BTBD2: variants seen among roughly 807,000 people sequenced by gnomAD.
The protein encoded by BTBD2 is BTB/POZ domain-containing protein 2.
A neutral mutation model predicts 44.0 loss-of-function variants in BTBD2; 15 were observed. The ratio of observed to expected loss-of-function variants is 0.34; its 90% CI spans 0.23 to 0.53. The LOEUF is 0.53. Ranked by LOEUF, BTBD2 falls within the 20% of genes least tolerant of loss-of-function variation. The probability of loss-of-function intolerance (pLI) is 0.95; values close to 1 mark genes in which losing one functional copy is unlikely to be tolerated. For synonymous variants in BTBD2, 443 were observed against 335.9 expected, an observed-to-expected ratio of 1.32 and a Z score of -3.49; for missense variants, 657 against 746.4, an observed-to-expected ratio of 0.88 and a Z score of 1.39.
chr19:2,000,892 T>C (rs1343591325), intron 1 of BTBD2, among the ~76,000 whole-genome samples: 1 of 152,144 alleles, frequency 6.6e-6, no homozygotes, highest in Non-Finnish European at 1.5e-5. Context: ...CAGATGCGCC[T>C]TGAAGACGTC....
At chr19:2,008,162 G>A (rs2016418317) in intron 1 of BTBD2, among the ~76,000 whole-genome samples, 1 of 151,924 alleles carries the variant, frequency 6.6e-6, no homozygotes, top group Non-Finnish European at 1.5e-5. Flanking sequence ...CTGCCACCAC[G>A]CCTGGCTAAT....
intron 1 of BTBD2, among the ~76,000 whole-genome samples, chr19:2,004,953 G>T (rs1363588201): frequency 2.6e-5 from 4 of 151,818 alleles, no homozygotes; most frequent in Non-Finnish European, 5.9e-5. Flanking sequence ...CCGAGTAGCT[G>T]GGACTACAGG....
Position 1,990,204 on chromosome 19 carries a change from G to A in BTBD2, c.791-3C>T. On this transcript the variant is annotated splice_polypyrimidine_tract_variant and splice_region_variant and intron_variant, in intron 4 of 8. Coordinates refer to ENST00000255608, the MANE Select transcript of BTBD2 (RefSeq NM_017797.4). ...CTCCAGGACAGCCACCAGCGTGTCT[G>A]TGGGGTGGAGGAAGGGGCTGCGTGA... 6.3e-7 allele frequency: 1 copy of A among 1,590,890 alleles called. No homozygotes were observed. The highest frequency in any genetic ancestry group is 8.5e-7 in the Non-Finnish European group (1 of 1,169,686).
chr19:2,005,204 G>A (rs1047410600), intron 1 of BTBD2, among the ~76,000 whole-genome samples: 4 of 152,164 alleles, frequency 2.6e-5, no homozygotes, highest in Non-Finnish European at 4.4e-5. Flanking sequence ...CGGGTTTTCC[G>A]GTTTTGAGCT....
At position 1,987,258 on chromosome 19, in the gene BTBD2, C is replaced by G. The variant is rs368200817; in HGVS notation, c.1182-5G>C. 1 of 1,613,526 alleles carries G rather than the reference C, an allele frequency of 6.2e-7. No homozygotes were observed. On this transcript the variant is annotated splice_polypyrimidine_tract_variant and splice_region_variant and intron_variant, in intron 6 of 8. Coordinates refer to ENST00000255608, the MANE Select transcript of BTBD2 (RefSeq NM_017797.4). ...ATGCGCTTGTTGACTGAGAACCTGC[C>G]GTGGCAGATGACAGGCAGCAGCGTG...
At chr19:1,998,313 A>G (rs1177749974) in intron 1 of BTBD2, among the ~76,000 whole-genome samples, 2 of 152,188 alleles carry the variant, frequency 1.3e-5, no homozygotes, top group Non-Finnish European at 2.9e-5. Context: ...TGAGTGAGAG[A>G]AGAGAGAGGA....
At chr19:1,989,129 C>T (rs1176559398) in intron 5 of BTBD2, among the ~76,000 whole-genome samples, 1 of 152,120 alleles carries the variant, frequency 6.6e-6, no homozygotes, top group Non-Finnish European at 1.5e-5. Context: ...CTCGGTGGCC[C>T]ATGTCCATAA....
At position 2,015,566 on chromosome 19, in the gene BTBD2, G is replaced by A; in HGVS notation, c.138C>T (p.Ala46=). 2.4e-5 allele frequency: 23 copies of A among 962,320 alleles called. No homozygotes were observed. The highest frequency in any genetic ancestry group is 2.8e-5 in the Non-Finnish European group (23 of 815,852). 59.6% of individuals were successfully genotyped at this position (962,320 alleles called of 1,614,324 possible). A position where few individuals can be genotyped will look rare whatever the true frequency, so the allele number is the denominator to read the frequency against. ...PAPGNAAAAA[A]AAAAAAAAPG... is the part of the protein sequence containing the mutation. ...GGGCGGCGGCGGCGGCGGCGGCGGC[G>A]GCGGCGGCGGCGGCCGCGTTGCCGG... The change falls in exon 1 of 9, where the codon GCC becomes GCT. Residue 46 remains alanine, a synonymous_variant. Transcript: ENST00000255608.
chr19:1,986,530 G>C lies in BTBD2; in HGVS notation c.1536C>G (p.Ser512=). ...CYAAGNNNGT[S]VEDGQIPEVI... is the part of the protein sequence containing the mutation. ...CCTCGGGGATCTGGCCGTCCTCCACGGATGTGCCATTGTTGTTCCCGGCCG... is the reference window on the plus strand; with the variant it reads ...CCTCGGGGATCTGGCCGTCCTCCACCGATGTGCCATTGTTGTTCCCGGCCG... Residue 512 remains serine, a synonymous_variant, in exon 9 of 9, where the codon TCC becomes TCG. Transcript: ENST00000255608. The C allele has an allele frequency of 6.2e-7, 1 of 1,614,070 alleles. No homozygotes were observed. Among genetic ancestry groups the C allele is most frequent in the Middle Eastern group, 1.7e-4 (1 of 6,060 alleles).
chr19:1,998,488 C>T (rs973925286), intron 1 of BTBD2, among the ~76,000 whole-genome samples: 7 of 152,190 alleles, frequency 4.6e-5, no homozygotes, highest in Admixed American at 6.5e-5. Context: ...GCTGTGAGGA[C>T]GCTGGGGGTT....
chr19:2,013,766 C>T, intron 1 of BTBD2: 1 of 831,160 alleles, frequency 1.2e-6, no homozygotes, highest in Non-Finnish European at 1.4e-6. Flanking sequence ...AGATCATGTG[C>T]TGAGCCTGGG....
At position 1,986,245 on chromosome 19, in the gene BTBD2, G is replaced by T; in HGVS notation, c.*243C>A. The T allele has an allele frequency of 1.8e-6, 1 of 558,396 alleles. No homozygotes were observed. The highest frequency in any genetic ancestry group is 3.2e-6 in the Non-Finnish European group (1 of 312,308). 34.6% of individuals were successfully genotyped at this position (558,396 alleles called of 1,614,324 possible). A position where few individuals can be genotyped will look rare whatever the true frequency, so the allele number is the denominator to read the frequency against. On this transcript the variant is annotated 3_prime_UTR_variant, in exon 9 of 9. Coordinates refer to ENST00000255608, the MANE Select transcript of BTBD2 (RefSeq NM_017797.4). ...CACAGCCCTGTCCCTAGTCCTGAGG[G>T]ATTGTCTCCACAGGGCCTGGCCACT...
At position 1,986,051 on chromosome 19, in the gene BTBD2, C is replaced by G. The variant is rs149995359; in HGVS notation, c.*437G>C. On this transcript the variant is annotated 3_prime_UTR_variant, in exon 9 of 9. Coordinates refer to ENST00000255608, the MANE Select transcript of BTBD2 (RefSeq NM_017797.4). ...AAAGGAACGCAAGGTCTGGGACCCA[C>G]GGCTCTGGGAGCAGCGCCACCCAGG... The G allele has an allele frequency of 2.3e-5, 4 of 175,034 alleles. No homozygotes were observed. In the South Asian group the frequency reaches 5.9e-4, roughly 26 times the overall value. The allele number at this position is 175,034 out of a possible 1,614,324, so 10.8% of individuals were successfully genotyped here.
intron 1 of BTBD2, among the ~76,000 whole-genome samples, chr19:1,998,093 T>TCA (rs34588963): frequency 1.8e-4 from 28 of 151,574 alleles, no homozygotes; most frequent in African/African-American, 5.1e-4. Flanking sequence ...ACTCACCCAT[T>TCA]CACACACACA....
intron 2 of BTBD2, among the ~76,000 whole-genome samples, chr19:1,996,293 G>A (rs2016250030): frequency 6.6e-6 from 1 of 152,020 alleles, no homozygotes; most frequent in Admixed American, 6.6e-5. Flanking sequence ...AGGGTCCCTT[G>A]GGATTCCATA....
At position 1,989,990 on chromosome 19, in the gene BTBD2, C is replaced by CCGAGCTCTGTTACCTGCAG; in HGVS notation, c.983_988+13dup. The CCGAGCTCTGTTACCTGCAG allele has an allele frequency of 6.2e-7, 1 of 1,612,574 alleles. No homozygotes were observed. The highest frequency in any genetic ancestry group is 8.5e-7 in the Non-Finnish European group (1 of 1,179,692). ...TCCCCTCCCAAACCAGCCCCTGAGC[C>CCGAGCTCTGTTACCTGCAG]CGAGCTCTGTTACCTGCAGCGAACT... On this transcript the variant is annotated intron_variant, in intron 5 of 8. Transcript: ENST00000255608.
rs1264294051 is a variant in BTBD2 at position 2,013,607 on chromosome 19, G to C, written c.407+1690C>G. On this transcript the variant is annotated intron_variant, in intron 1 of 8. Transcript: ENST00000255608. ...GCGGAGCTGGAGGTGGGTGGTCACTGAAGTGGGAGGTGGCAGGGCCCAGGG... is the reference window on the plus strand; with the variant it reads ...GCGGAGCTGGAGGTGGGTGGTCACTCAAGTGGGAGGTGGCAGGGCCCAGGG... The C allele has an allele frequency of 3.0e-6, 3 of 989,048 alleles. No homozygotes were observed. The Admixed American group carries it at 1.8e-4, about 61-fold the overall frequency. The allele number at this position is 989,048 out of a possible 1,614,324, so 61.3% of individuals were successfully genotyped here.
chr19:2,012,325 G>T (rs1292588415), intron 1 of BTBD2, among the ~76,000 whole-genome samples: 3 of 148,986 alleles, frequency 2.0e-5, no homozygotes, highest in Non-Finnish European at 4.4e-5. Flanking sequence ...GCTAATTTTT[G>T]TATTTTTGTA....
At chr19:1,989,952 A>G in intron 5 of BTBD2, 52 bp downstream of exon 5, 1 of 1,597,492 alleles carries the variant, frequency 6.3e-7, no homozygotes, top group Non-Finnish European at 8.6e-7. Flanking sequence ...CCAGATGCCC[A>G]CCTGTGTGCC....
Sources: gnomAD v4.1 joint callset for allele counts (sites outside exome capture counted in the v4.1 genomes callset) on GRCh38, gnomAD v4.1.1 for gene constraint, MANE v1.5 for transcripts, NCBI Gene and HGNC (gene_info 2026-07-23, HGNC 2026-07-21) for gene names.